CDKAL1: variants seen among roughly 807,000 people sequenced by gnomAD.
CDKAL1 encodes the protein CDKAL1 threonylcarbamoyladenosine tRNA methylthiotransferase, also known as threonylcarbamoyladenosine tRNA methylthiotransferase.
CDKAL1 carries 32 observed loss-of-function variants against 68.2 expected under a neutral mutation model. The ratio of observed to expected loss-of-function variants is 0.47; its 90% CI spans 0.35 to 0.63. CDKAL1 has a LOEUF of 0.63. Among genes scored for constraint, CDKAL1 ranks in the 30% least tolerant of loss-of-function variants. The pLI is 0.00. For synonymous variants in CDKAL1, 234 were observed against 244.3 expected (o/e 0.96, Z 0.39); for missense variants, 606 against 696.7 (o/e 0.87, Z 1.47).
At chr6:20,571,860 A>T (rs1441848899) in intron 4 of CDKAL1, among the ~76,000 whole-genome samples, 1 of 152,198 alleles carries the variant, frequency 6.6e-6, no homozygotes, top group Non-Finnish European at 1.5e-5. Flanking sequence ...AATTTTAAAA[A>T]AAATTTTTGG....
At chr6:20,891,595 C>T (rs1761405544) in intron 9 of CDKAL1, among the ~76,000 whole-genome samples, 1 of 145,094 alleles carries the variant, frequency 6.9e-6, no homozygotes, top group Non-Finnish European at 1.5e-5. Context: ...AGTGTAGTGG[C>T]GCAGTCTCGG....
At chr6:20,661,224 A>G (rs1363253791) in intron 5 of CDKAL1, among the ~76,000 whole-genome samples, 1 of 152,176 alleles carries the variant, frequency 6.6e-6, no homozygotes, top group Non-Finnish European at 1.5e-5. Context: ...AGGTCTTATT[A>G]TCTATCATAT....
At chr6:20,609,279 CCTTCTCCTT>C (rs1554162637) in intron 4 of CDKAL1, among the ~76,000 whole-genome samples, 5 of 146,672 alleles carry the variant, frequency 3.4e-5, no homozygotes, top group Non-Finnish European at 6.0e-5. Flanking sequence ...TCCTTCTCCT[CCTTCTCCTT>C]CTTCTCCTTC....
intron 13 of CDKAL1, among the ~76,000 whole-genome samples, chr6:21,150,828 T>C (rs558155909): frequency 6.6e-6 from 1 of 152,304 alleles, no homozygotes; most frequent in South Asian, 2.1e-4. Flanking sequence ...GTCAAACTGC[T>C]CATGAAATGT....
chr6:21,009,738 C>T (rs1767913694), intron 11 of CDKAL1, among the ~76,000 whole-genome samples: 2 of 152,100 alleles, frequency 1.3e-5, no homozygotes, highest in Admixed American at 1.3e-4. Context: ...TGAAATAAAC[C>T]AGGCACAGAA....
At chr6:20,950,949 G>A (rs953287336) in intron 9 of CDKAL1, among the ~76,000 whole-genome samples, 39 of 147,796 alleles carry the variant, frequency 2.6e-4, no homozygotes, top group Admixed American at 1.6e-3. Flanking sequence ...CAGCCTGGGT[G>A]ACAGAGTGAA....
At chr6:20,913,091 A>G (rs1762539832) in intron 9 of CDKAL1, among the ~76,000 whole-genome samples, 1 of 151,272 alleles carries the variant, frequency 6.6e-6, no homozygotes, top group Non-Finnish European at 1.5e-5. Context: ...CTCCAGAGAA[A>G]TAGAACCATT....
At position 20,886,453 on chromosome 6, in the gene CDKAL1, C is replaced by T. The variant is rs75117487; in HGVS notation, c.742+40275C>T. Among the ~76,000 whole-genome samples, 1,202 of 152,242 alleles carry T rather than the reference C, an allele frequency of 7.9e-3. 7 individuals are homozygous for T. Among genetic ancestry groups the T allele is most frequent in the Non-Finnish European group, 0.012 (817 of 68,012 alleles). On this transcript the variant is annotated intron_variant, in intron 9 of 15. Transcript: ENST00000274695. ...ACACATACACAAATGTTCATTGCAG[C>T]GATATTTGCAATAGCCCAAAGGTGG...
chr6:21,116,834 G>T (rs759314116), intron 13 of CDKAL1, among the ~76,000 whole-genome samples: 9 of 152,026 alleles, frequency 5.9e-5, no homozygotes, highest in Admixed American at 2.6e-4. Context: ...TATTTACCAC[G>T]CCTAAAAGTA....
chr6:21,169,928 C>CCA (rs1777312457), intron 13 of CDKAL1, among the ~76,000 whole-genome samples: 1 of 133,720 alleles, frequency 7.5e-6, no homozygotes, highest in East Asian at 2.4e-4. Context: ...AAGACCCCCC[C>CCA]CACCCCATGA....
intron 11 of CDKAL1, among the ~76,000 whole-genome samples, chr6:21,056,329 A>G (rs1039208209): frequency 5.9e-5 from 9 of 151,670 alleles, no homozygotes; most frequent in African/African-American, 1.9e-4. Flanking sequence ...CTGCTTGTCT[A>G]TTGTTGGTAT....
chr6:20,561,400 A>G (rs1673891010), intron 4 of CDKAL1, among the ~76,000 whole-genome samples: 2 of 150,012 alleles, frequency 1.3e-5, no homozygotes, highest in South Asian at 4.3e-4. Flanking sequence ...TGAGATCACA[A>G]CACTGCACTC....
At chr6:20,747,259 G>A (rs1173397567) in intron 6 of CDKAL1, among the ~76,000 whole-genome samples, 1 of 152,140 alleles carries the variant, frequency 6.6e-6, no homozygotes, top group East Asian at 1.9e-4. Context: ...TACTTAGGTT[G>A]TTTTCACATC....
At chr6:21,052,537 GTT>G (rs66607398) in intron 11 of CDKAL1, among the ~76,000 whole-genome samples, 2 of 128,384 alleles carry the variant, frequency 1.6e-5, no homozygotes, top group African/African-American at 3.0e-5. Context: ...TTAATTGGTT[GTT>G]TTTTTTTTTT....
At chr6:21,195,088 T>C (rs1014080533) in intron 13 of CDKAL1, among the ~76,000 whole-genome samples, 1 of 152,154 alleles carries the variant, frequency 6.6e-6, no homozygotes, top group African/African-American at 2.4e-5. Context: ...TATATTTATT[T>C]TAAGCAGTGG....
chr6:21,228,941 C>T (rs1364381832), intron 15 of CDKAL1, among the ~76,000 whole-genome samples: 1 of 152,166 alleles, frequency 6.6e-6, no homozygotes, highest in African/African-American at 2.4e-5. Context: ...GGTCTTCGTG[C>T]ACCACTGAGC....
rs111943566 is a variant in CDKAL1, at chr6:20,714,055, C to T, written c.372-25464C>T. Among the ~76,000 whole-genome samples the T allele has an allele frequency of 4.0e-3, 603 of 152,008 alleles. 2 individuals carry two copies. Among genetic ancestry groups the T allele is most frequent in the Non-Finnish European group, 5.5e-3 (372 of 67,946 alleles). ...TGAAAAATGCTTTTGTCAAGATAGA[C>T]TTATACTTAAGAAATAAAGAAAAAG... is the stretch of plus-strand genomic sequence containing the variant. On this transcript the variant is annotated intron_variant, in intron 5 of 15. Transcript: ENST00000274695.
intron 11 of CDKAL1, among the ~76,000 whole-genome samples, chr6:21,043,339 G>T (rs1304356074): frequency 7.7e-6 from 1 of 129,280 alleles, no homozygotes; most frequent in Non-Finnish European, 1.8e-5. Context: ...GTGTATGTGT[G>T]TGTGTGTTTG....
At chr6:20,933,025 C>A (rs575629556) in intron 9 of CDKAL1, among the ~76,000 whole-genome samples, 3 of 152,028 alleles carry the variant, frequency 2.0e-5, no homozygotes, top group African/African-American at 7.3e-5. Flanking sequence ...AATGAAGGAG[C>A]CAGGAATCAA....
Sources: allele counts gnomAD v4.1 joint callset (sites outside exome capture counted in the v4.1 genomes callset), GRCh38; gene constraint gnomAD v4.1.1; transcripts MANE v1.5; gene names NCBI Gene and HGNC (gene_info 2026-07-23, HGNC 2026-07-21).